RBFOX1: variants seen among roughly 807,000 people sequenced by gnomAD.
The protein encoded by RBFOX1 is RNA binding protein fox-1 homolog 1.
In RBFOX1, 8 loss-of-function variants were observed where a neutral mutation model predicts 57.7. That is an observed-to-expected ratio of 0.14 (90% CI 0.08 to 0.25). The LOEUF (loss-of-function observed/expected upper bound fraction) is 0.25. RBFOX1 is among the 10% of genes least tolerant of loss of function. The pLI is 1.00. For synonymous variants in RBFOX1, 326 were observed against 222.4 expected (o/e 1.47, Z -4.15); for missense variants, 611 against 548.5 (o/e 1.11, Z -1.14).
At chr16:6,809,566 T>C (rs1217545737) in intron 3 of RBFOX1, among the ~76,000 whole-genome samples, 2 of 152,104 alleles carry the variant, frequency 1.3e-5, no homozygotes, top group East Asian at 1.9e-4. Context: ...TCCTATTGTA[T>C]ATGAAGCCTT....
intron 2 of RBFOX1, among the ~76,000 whole-genome samples, chr16:6,561,994 G>T (rs1239419970): frequency 1.3e-5 from 2 of 152,212 alleles, no homozygotes; most frequent in Non-Finnish European, 2.9e-5. Flanking sequence ...GGAACAAACT[G>T]TGTAGAGATC....
intron 5 of RBFOX1, among the ~76,000 whole-genome samples, chr16:7,549,853 C>T (rs955716689): frequency 6.6e-6 from 1 of 152,210 alleles, no homozygotes; most frequent in African/African-American, 2.4e-5. Flanking sequence ...CACGGACACA[C>T]GCAGGAGCAG....
chr16:7,029,613 T>G (rs1393431303), intron 3 of RBFOX1, among the ~76,000 whole-genome samples: 2 of 151,986 alleles, frequency 1.3e-5, no homozygotes, highest in African/African-American at 4.8e-5. Context: ...CATTGACAAT[T>G]TGTGGCAAAA....
chr16:7,201,258 C>T (rs2088344403), intron 4 of RBFOX1, among the ~76,000 whole-genome samples: 1 of 152,106 alleles, frequency 6.6e-6, no homozygotes, highest in South Asian at 2.1e-4. Flanking sequence ...CCAAAGTGAG[C>T]AACACAGCAT....
chr16:6,977,057 A>T (rs2087143683), intron 3 of RBFOX1, among the ~76,000 whole-genome samples: 1 of 139,280 alleles, frequency 7.2e-6, no homozygotes, highest in Non-Finnish European at 1.6e-5. Context: ...TATATCATGT[A>T]TGAGATATAC....
At chr16:7,572,656 G>C (rs962671550) in intron 5 of RBFOX1, among the ~76,000 whole-genome samples, 2 of 152,090 alleles carry the variant, frequency 1.3e-5, no homozygotes, top group Non-Finnish European at 2.9e-5. Flanking sequence ...TGGCTAACGC[G>C]GTGAAACCCT....
rs111358592 is a variant in RBFOX1, at chr16:5,529,288, C to G, written c.258+62034C>G. On this transcript the variant is annotated intron_variant, in intron 2 of 2. Transcript: ENST00000585867. ...ATTCATTTGTTAAAGTCTTAAAACA[C>G]CACCTACCTTAGAATGTGAGAAAAT... Among the ~76,000 whole-genome samples, 13 of 152,164 alleles carry G rather than the reference C, an allele frequency of 8.5e-5. 1 individual carries two copies. Among genetic ancestry groups the G allele is most frequent in the African/African-American group, 3.1e-4 (13 of 41,510 alleles).
chr16:6,687,691 T>C (rs151205105), intron 3 of RBFOX1, among the ~76,000 whole-genome samples: 32 of 152,288 alleles, frequency 2.1e-4, no homozygotes, highest in Non-Finnish European at 2.9e-4. Context: ...ATGTCCTGTA[T>C]GGTTTTTCAA....
intron 1 of RBFOX1, among the ~76,000 whole-genome samples, chr16:6,041,916 A>G (rs2095440478): frequency 1.3e-5 from 2 of 152,058 alleles, no homozygotes; most frequent in Admixed American, 6.6e-5. Context: ...CTCACTTGCA[A>G]TCATCAGGGT....
intron 4 of RBFOX1, among the ~76,000 whole-genome samples, chr16:5,920,089 A>G (rs2058789014): frequency 6.6e-6 from 1 of 152,116 alleles, no homozygotes. Flanking sequence ...GCCCGCCACC[A>G]CACCCAGCTA....
At chr16:7,418,706 C>G (rs1266434616) in intron 4 of RBFOX1, among the ~76,000 whole-genome samples, 1 of 152,130 alleles carries the variant, frequency 6.6e-6, no homozygotes, top group African/African-American at 2.4e-5. Flanking sequence ...AAAATTGATG[C>G]TATCTGCTCT....
intron 4 of RBFOX1, among the ~76,000 whole-genome samples, chr16:7,392,442 C>T (rs763069280): frequency 6.6e-6 from 1 of 152,196 alleles, no homozygotes; most frequent in Non-Finnish European, 1.5e-5. Context: ...AGGTACTCCA[C>T]AAGCAGTTAT....
chr16:7,644,024 C>T (rs891420684), intron 11 of RBFOX1, among the ~76,000 whole-genome samples: 10 of 152,134 alleles, frequency 6.6e-5, no homozygotes, highest in African/African-American at 2.4e-4. Flanking sequence ...GATGATGTAG[C>T]AGCTTGTACA....
chr16:6,458,134 A>G (rs1420911346), intron 2 of RBFOX1, among the ~76,000 whole-genome samples: 2 of 152,176 alleles, frequency 1.3e-5, no homozygotes, highest in Admixed American at 6.5e-5. Context: ...TTGCAATTGG[A>G]TTTCCAGCAG....
At chr16:6,362,787 T>G (rs1378107602) in intron 2 of RBFOX1, among the ~76,000 whole-genome samples, 7 of 152,208 alleles carry the variant, frequency 4.6e-5, no homozygotes, top group Non-Finnish European at 1.5e-5. Context: ...TTTGCCGTTA[T>G]AGCCAAACAT....
At chr16:5,350,020 TG>T (rs1296033482) in intron 1 of RBFOX1, among the ~76,000 whole-genome samples, 1 of 152,226 alleles carries the variant, frequency 6.6e-6, no homozygotes, top group Non-Finnish European at 1.5e-5. Flanking sequence ...GTCATTTCTG[TG>T]GTGTAATTTG....
intron 2 of RBFOX1, among the ~76,000 whole-genome samples, chr16:6,618,806 T>C (rs1039033543): frequency 6.6e-6 from 1 of 152,168 alleles, no homozygotes; most frequent in Non-Finnish European, 1.5e-5. Context: ...TCCGTCTGCG[T>C]GCCTGTGCAA....
chr16:6,699,365 AT>A (rs2061501891), intron 3 of RBFOX1, among the ~76,000 whole-genome samples: 2 of 151,484 alleles, frequency 1.3e-5, no homozygotes, highest in African/African-American at 4.9e-5. Context: ...TGTAACAGTC[AT>A]AATAAGCAGG....
intron 3 of RBFOX1, among the ~76,000 whole-genome samples, chr16:6,836,027 C>T (rs905021770): frequency 1.1e-4 from 16 of 152,148 alleles, no homozygotes; most frequent in African/African-American, 3.9e-4. Flanking sequence ...AGTCTCTGTC[C>T]TTGGAGGAGA....
Sources: allele counts gnomAD v4.1 joint callset (sites outside exome capture counted in the v4.1 genomes callset), GRCh38; gene constraint gnomAD v4.1.1; transcripts MANE v1.5; gene names NCBI Gene and HGNC (gene_info 2026-07-23, HGNC 2026-07-21).